ATP9B: variants seen among roughly 807,000 people sequenced by gnomAD.
ATP9B encodes the protein probable phospholipid-transporting ATPase IIB.
ATP9B carries 110 observed loss-of-function variants against 146.1 expected under a neutral mutation model. That is an observed-to-expected ratio of 0.75 (90% CI 0.65 to 0.88). The LOEUF (loss-of-function observed/expected upper bound fraction) is 0.88, where lower values mean the gene tolerates loss of function less well. ATP9B is among the 40% of genes least tolerant of loss of function. ATP9B has a pLI of 0.00. For missense variants in ATP9B, 1,499 were observed against 1,496.4 expected, an observed-to-expected ratio of 1.00 and a Z score of -0.03; for synonymous variants, 604 against 569.7, an observed-to-expected ratio of 1.06 and a Z score of -0.86.
intron 13 of ATP9B, among the ~76,000 whole-genome samples, chr18:79,291,461 A>G (rs12955458): frequency 1.3e-5 from 2 of 152,152 alleles, no homozygotes; most frequent in Admixed American, 1.3e-4. Flanking sequence ...CTACTACTGC[A>G]TAAGAGGTGA....
chr18:79,175,186 C>T (rs1421728300), intron 7 of ATP9B, among the ~76,000 whole-genome samples: 1 of 133,246 alleles, frequency 7.5e-6, no homozygotes, highest in Non-Finnish European at 1.5e-5. Flanking sequence ...GGCGACAGAG[C>T]GAGACTGTCT....
At chr18:79,329,116 C>T in intron 15 of ATP9B, 25 bp from the exon 16 acceptor site, 1 of 1,521,124 alleles carries the variant, frequency 6.6e-7, no homozygotes, top group South Asian at 1.3e-5. Context: ...CAGCGGTGGC[C>T]TCAGTTGTTG....
intron 2 of ATP9B, among the ~76,000 whole-genome samples, chr18:79,097,330 T>C (rs911308152): frequency 8.6e-5 from 13 of 151,922 alleles, no homozygotes; most frequent in Non-Finnish European, 1.5e-5. Context: ...CCTATATTTT[T>C]CCCCACATTT....
At chr18:79,233,030 G>A (rs1440114843) in intron 11 of ATP9B, among the ~76,000 whole-genome samples, 1 of 152,140 alleles carries the variant, frequency 6.6e-6, no homozygotes, top group Non-Finnish European at 1.5e-5. Flanking sequence ...GGTGGCTCAC[G>A]CCTATAATCT....
chr18:79,359,320 T>C, intron 25 of ATP9B, 34 bp from the exon 26 acceptor site: 1 of 1,511,938 alleles, frequency 6.6e-7, no homozygotes, highest in Non-Finnish European at 9.2e-7. Context: ...TAGAAGTTTC[T>C]CACGCCCATT....
At chr18:79,150,973 T>C (rs6506730) in intron 6 of ATP9B, among the ~76,000 whole-genome samples, 85,330 of 151,918 alleles carry the variant, frequency 0.56, 25,642 homozygotes, top group African/African-American at 0.79. Flanking sequence ...TGTAAGACAG[T>C]TCATGCCCAT....
chr18:79,208,312 A>T (rs937449994), intron 10 of ATP9B, among the ~76,000 whole-genome samples: 1 of 152,216 alleles, frequency 6.6e-6, no homozygotes, highest in African/African-American at 2.4e-5. Context: ...GAAACATTTA[A>T]CTTGGATTTA....
At chr18:79,261,951 A>G in intron 12 of ATP9B, among the ~76,000 whole-genome samples, 1 of 152,064 alleles carries the variant, frequency 6.6e-6, no homozygotes, top group South Asian at 2.1e-4. Context: ...ACAGTTCTTC[A>G]TTTACTCACC....
intron 7 of ATP9B, among the ~76,000 whole-genome samples, chr18:79,161,888 C>G (rs1241549302): frequency 6.6e-6 from 1 of 152,226 alleles, no homozygotes; most frequent in African/African-American, 2.4e-5. Context: ...TATTTTTCTT[C>G]TTATAAAATA....
chr18:79,337,507 T>G, intron 19 of ATP9B, 58 bp downstream of exon 19: 1 of 1,566,908 alleles, frequency 6.4e-7, no homozygotes, highest in East Asian at 2.2e-5. Context: ...AACAGTGCTT[T>G]TCCTTGGGCA....
chr18:79,300,335 G>A (rs926827514), intron 13 of ATP9B, among the ~76,000 whole-genome samples: 44 of 152,158 alleles, frequency 2.9e-4, no homozygotes, highest in Non-Finnish European at 5.4e-4. Context: ...TCACCTGGGT[G>A]CCCTCGTGTC....
chr18:79,354,911 C>G (rs371256901), intron 25 of ATP9B, among the ~76,000 whole-genome samples: 35 of 152,206 alleles, frequency 2.3e-4, no homozygotes, highest in African/African-American at 7.7e-4. Context: ...TTCAGATGAT[C>G]GTCACTCTAC....
At position 79,110,402 on chromosome 18, in the gene ATP9B, A is replaced by G. The variant is rs2075929434; in HGVS notation, c.341A>G (p.Lys114Arg). ...ATTTGTCGAAGAAAGAAAGAGCTGA[A>G]AGCTCGCACAGTATGGCTTGGATGT... ...INICRRKKEL[K>R]ARTVWLGCPE... Residue 114 changes from lysine (K) to arginine (R), a missense_variant, in exon 3 of 30, where the codon AAA (lysine) becomes AGA (arginine). Transcript: ENST00000426216. 1.2e-6 allele frequency: 2 copies of G among 1,609,172 alleles called. No homozygotes were observed. Among genetic ancestry groups the G allele is most frequent in the African/African-American group, 2.7e-5 (2 of 74,880 alleles).
At position 79,080,182 on chromosome 18, in the gene ATP9B, G is replaced by T. The variant is rs1464465645; in HGVS notation, c.119+10653G>T. Among the ~76,000 whole-genome samples the T allele has an allele frequency of 2.0e-5, 3 of 152,176 alleles. No individual in the cohort carries two copies. The East Asian group carries it at 5.8e-4, about 29-fold the overall frequency. On this transcript the variant is annotated intron_variant, in intron 1 of 29. Coordinates refer to ENST00000426216, the MANE Select transcript of ATP9B (RefSeq NM_198531.5). Reference sequence around the variant, plus strand: ...GTTTTTTTCTAATTCTTTGAAGAAAGTCAGTGGTAGCTTGATGGGCATAGC... The same window carrying T: ...GTTTTTTTCTAATTCTTTGAAGAAATTCAGTGGTAGCTTGATGGGCATAGC...
At chr18:79,160,592 T>G (rs1056879157) in intron 7 of ATP9B, among the ~76,000 whole-genome samples, 1 of 152,198 alleles carries the variant, frequency 6.6e-6, no homozygotes, top group Non-Finnish European at 1.5e-5. Context: ...TGGAAAAGAT[T>G]ATATAGATTG....
At chr18:79,373,750 A>G in intron 27 of ATP9B, 148 bp from the exon 28 acceptor site, 1 of 781,792 alleles carries the variant, frequency 1.3e-6, no homozygotes, top group South Asian at 1.8e-5. Context: ...CAGCCTCCCA[A>G]AGTGCTGGGA....
chr18:79,106,518 C>T (rs1435808041), intron 2 of ATP9B, among the ~76,000 whole-genome samples: 1 of 152,200 alleles, frequency 6.6e-6, no homozygotes, highest in African/African-American at 2.4e-5. Flanking sequence ...TCTGGTGCAC[C>T]TGCAGGCCTT....
At position 79,225,605 on chromosome 18, in the gene ATP9B, G is replaced by T. The variant is rs73971581; in HGVS notation, c.1107+11567G>T. ...GACTGCTGGGTCCCGCAGTCGCAGG[G>T]CGGCCACTGTCTTCAGCGTCTGAGT... On this transcript the variant is annotated intron_variant, in intron 11 of 29. Transcript: ENST00000426216. Among the ~76,000 whole-genome samples the T allele has an allele frequency of 3.4e-3, 514 of 151,110 alleles. 3 individuals are homozygous for T. The highest frequency in any genetic ancestry group is 0.011 in the African/African-American group (463 of 40,834).
chr18:79,176,994 T>A, intron 8 of ATP9B, 87 bp downstream of exon 8: 1 of 1,068,716 alleles, frequency 9.4e-7, no homozygotes, highest in Non-Finnish European at 1.4e-6. Flanking sequence ...CCAGCTAATT[T>A]ATTTAATGCA....
Sources: allele counts gnomAD v4.1 joint callset (sites outside exome capture counted in the v4.1 genomes callset), GRCh38; gene constraint gnomAD v4.1.1; transcripts MANE v1.5; gene names NCBI Gene and HGNC (gene_info 2026-07-23, HGNC 2026-07-21).